Variants in MTDH observed in about 807,000 individuals in gnomAD.
MTDH encodes protein LYRIC.
A neutral mutation model predicts 72.7 loss-of-function variants in MTDH; 34 were observed. The observed-to-expected ratio is 0.47, with a 90% CI of 0.36 to 0.62. The LOEUF (loss-of-function observed/expected upper bound fraction) is 0.62. Ranked by LOEUF, MTDH falls within the 20% of genes least tolerant of loss-of-function variation. The probability of loss-of-function intolerance (pLI) is 0.00; values close to 1 mark genes in which losing one functional copy is unlikely to be tolerated. For missense variants in MTDH, 677 were observed against 699.4 expected, an observed-to-expected ratio of 0.97 and a Z score of 0.36; for synonymous variants, 266 against 268.9, an observed-to-expected ratio of 0.99 and a Z score of 0.10.
At chr8:97,661,911 CCT>C (rs2130934624) in intron 2 of MTDH, among the ~76,000 whole-genome samples, 1 of 138,160 alleles carries the variant, frequency 7.2e-6, no homozygotes, top group Non-Finnish European at 1.5e-5. Context: ...CACCCGAGAC[CCT>C]GTCTCAAAAA....
intron 1 of MTDH, among the ~76,000 whole-genome samples, chr8:97,660,691 A>T (rs912141878): frequency 3.3e-5 from 5 of 152,152 alleles, no homozygotes; most frequent in African/African-American, 9.7e-5. Context: ...CATACCTGTC[A>T]CTTTATAGAT....
chr8:97,644,365 A>G lies in MTDH; in HGVS notation c.-142A>G. The G allele has an allele frequency of 1.7e-6, 2 of 1,184,246 alleles. No individual in the cohort carries two copies. Among genetic ancestry groups the G allele is most frequent in the South Asian group, 3.3e-5 (2 of 60,778 alleles). The allele number at this position is 1,184,246 out of a possible 1,614,324, so 73.4% of individuals were successfully genotyped here. On this transcript the variant is annotated 5_prime_UTR_variant, in exon 1 of 12. Transcript: ENST00000336273. ...GCCCTCCCCGCGGTGGCAGCGGCCG[A>G]TCCCCGGCTCCGGCGCGAGGGACGG...
intron 2 of MTDH, among the ~76,000 whole-genome samples, chr8:97,668,543 A>C (rs1436539387): frequency 6.6e-6 from 1 of 151,738 alleles, no homozygotes; most frequent in Admixed American, 6.6e-5. Context: ...GCAATTTCAG[A>C]TTCCACACTG....
At chr8:97,668,680 G>T (rs111825025) in intron 2 of MTDH, among the ~76,000 whole-genome samples, 1 of 151,366 alleles carries the variant, frequency 6.6e-6, no homozygotes, top group Non-Finnish European at 1.5e-5. Flanking sequence ...TCAGCCTCCC[G>T]AGTAGCTGGG....
chr8:97,693,885 T>G (rs1303014947), intron 6 of MTDH, among the ~76,000 whole-genome samples: 2 of 151,992 alleles, frequency 1.3e-5, no homozygotes, highest in African/African-American at 4.8e-5. Context: ...CTGGCTAATT[T>G]TGGTATTTTT....
chr8:97,710,381 C>T (rs1280305452), intron 8 of MTDH, among the ~76,000 whole-genome samples: 1 of 152,138 alleles, frequency 6.6e-6, no homozygotes, highest in African/African-American at 2.4e-5. Flanking sequence ...ACAGTGCTTA[C>T]TTCAGCAGCA....
Position 97,690,977 on chromosome 8 carries a change from C to T in MTDH, c.837C>T (p.Leu279=), listed in dbSNP as rs1586250741. The T allele has an allele frequency of 1.9e-6, 3 of 1,612,894 alleles. No individual in the cohort carries two copies. The highest frequency in any genetic ancestry group is 2.2e-5 in the South Asian group (2 of 90,896). Residue 279 remains leucine (L), a synonymous_variant, in exon 6 of 12, where the codon CTC becomes CTT. Transcript: ENST00000336273. ...TTTCTTCAGGATTGAATGAAAACCT[C>T]ACTGTCAATGGAGGAGGCTGGAATG... ...LQVSSGLNEN[L]TVNGGGWNEK... is the part of the protein sequence containing the mutation.
intron 1 of MTDH, among the ~76,000 whole-genome samples, chr8:97,652,501 T>C (rs564063166): frequency 2.4e-4 from 37 of 152,338 alleles, no homozygotes; most frequent in Admixed American, 1.7e-3. Context: ...TAGTGGTTAT[T>C]ACAGTTTGTA....
intron 2 of MTDH, among the ~76,000 whole-genome samples, chr8:97,674,656 T>G (rs976236923): frequency 2.0e-5 from 3 of 152,156 alleles, no homozygotes; most frequent in Non-Finnish European, 4.4e-5. Context: ...TAAAAAACAT[T>G]GTTAATATTA....
rs1212232726 is a variant in MTDH at position 97,644,328 on chromosome 8, G to A, written c.-179G>A. ...AGTGAGGCTGACAGCGGGGAACCTGGGAGACCCCTCCGCCCTCCCCGCGGT... is the reference window on the plus strand; with the variant it reads ...AGTGAGGCTGACAGCGGGGAACCTGAGAGACCCCTCCGCCCTCCCCGCGGT... On this transcript the variant is annotated 5_prime_UTR_variant, in exon 1 of 12. Transcript: ENST00000336273. The A allele has an allele frequency of 1.3e-6, 1 of 773,490 alleles. No individual in the cohort carries two copies. The highest frequency in any genetic ancestry group is 3.3e-5 in the East Asian group (1 of 30,762). 47.9% of individuals were successfully genotyped at this position (773,490 alleles called of 1,614,324 possible).
intron 2 of MTDH, among the ~76,000 whole-genome samples, chr8:97,670,913 C>T (rs1043066320): frequency 4.0e-5 from 6 of 151,222 alleles, no homozygotes; most frequent in Non-Finnish European, 5.9e-5. Flanking sequence ...CCCACTGCCA[C>T]GCCTGGCTAA....
chr8:97,669,245 G>T (rs1361952905), intron 2 of MTDH, among the ~76,000 whole-genome samples: 1 of 151,910 alleles, frequency 6.6e-6, no homozygotes, highest in Non-Finnish European at 1.5e-5. Context: ...ACCTCCCTGG[G>T]TTCAAGCAAT....
Position 97,686,652 on chromosome 8 carries a change from TC to T in MTDH, c.484-15del. The T allele has an allele frequency of 7.5e-6, 11 of 1,476,170 alleles. No homozygotes were observed. The highest frequency in any genetic ancestry group is 1.0e-5 in the Non-Finnish European group (11 of 1,088,714). The allele number at this position is 1,476,170 out of a possible 1,614,324, so 91.4% of individuals were successfully genotyped here. A position where few individuals can be genotyped will look rare whatever the true frequency, so the allele number is the denominator to read the frequency against. On this transcript the variant is annotated splice_polypyrimidine_tract_variant and intron_variant, in intron 2 of 11. Coordinates refer to ENST00000336273, the MANE Select transcript of MTDH (RefSeq NM_178812.4). ...AACATAACAAAATATTAAGTAACAT[TC>T]TATTTTACTTTCAGTCAAAGAAAAA...
chr8:97,712,069 G>T (rs1025474452), intron 8 of MTDH, among the ~76,000 whole-genome samples: 4 of 152,168 alleles, frequency 2.6e-5, no homozygotes, highest in Non-Finnish European at 5.9e-5. Context: ...ATGGAGTCTT[G>T]CTCTGTTACC....
intron 8 of MTDH, among the ~76,000 whole-genome samples, chr8:97,709,193 C>CAAA (rs56931322): frequency 1.3e-5 from 1 of 75,016 alleles, no homozygotes; most frequent in African/African-American, 3.9e-5. Flanking sequence ...GACTCCATCT[C>CAAA]AAAAAAAAAA....
intron 2 of MTDH, among the ~76,000 whole-genome samples, chr8:97,661,559 C>A (rs553440818): frequency 6.6e-6 from 1 of 152,072 alleles, no homozygotes; most frequent in East Asian, 1.9e-4. Flanking sequence ...TTAGCAAAAT[C>A]GTTCAGTGAT....
chr8:97,691,986 TC>T (rs1217531216), intron 6 of MTDH, among the ~76,000 whole-genome samples: 1 of 152,152 alleles, frequency 6.6e-6, no homozygotes. Flanking sequence ...TTCAAGCGAT[TC>T]TCCTACCTCA....
rs1302190469 is a variant in MTDH at position 97,687,617 on chromosome 8, G to C, written c.745+12G>C. 1.3e-6 allele frequency: 2 copies of C among 1,580,584 alleles called. No individual in the cohort carries two copies. The highest frequency in any genetic ancestry group is 2.7e-5 in the African/African-American group (2 of 73,414). ...CAAGAAGAATAAAGGTATATTAGTGGAACATAAGACAGTGGTACATCAAAT... is the reference window on the plus strand; with the variant it reads ...CAAGAAGAATAAAGGTATATTAGTGCAACATAAGACAGTGGTACATCAAAT... On this transcript the variant is annotated intron_variant, in intron 4 of 11. Coordinates refer to ENST00000336273, the MANE Select transcript of MTDH (RefSeq NM_178812.4).
At chr8:97,718,939 A>G in intron 9 of MTDH, 110 bp from the exon 10 acceptor site, 1 of 981,450 alleles carries the variant, frequency 1.0e-6, no homozygotes, top group Middle Eastern at 3.0e-4. Flanking sequence ...CAAGCAATTC[A>G]CCCACCTCCG....
Sources: allele counts gnomAD v4.1 joint callset (sites outside exome capture counted in the v4.1 genomes callset), GRCh38; gene constraint gnomAD v4.1.1; transcripts MANE v1.5; gene names NCBI Gene and HGNC (gene_info 2026-07-23, HGNC 2026-07-21).